The following NUP37 variants were observed in gnomAD, a reference collection of about 807,000 sequenced individuals.
NUP37 encodes nucleoporin 37, also known as nucleoporin Nup37.
In NUP37, 33 loss-of-function variants were observed where a neutral mutation model predicts 45.4. The ratio of observed to expected loss-of-function variants is 0.73; its 90% CI spans 0.55 to 0.97. The LOEUF is 0.97. NUP37 is among the 50% of genes least tolerant of loss of function. The pLI, the probability that NUP37 is intolerant of heterozygous loss-of-function variation, is 0.00. For missense variants in NUP37, 365 were observed against 389.7 expected (o/e 0.94, Z 0.53); for synonymous variants, 127 against 130.7 (o/e 0.97, Z 0.19).
At chr12:102,119,119 A>T (rs528043647) in intron 1 of NUP37, 2 of 152,380 alleles carry the variant, frequency 1.3e-5, no homozygotes, top group South Asian at 2.1e-4. Context: ...GCTAATGAAG[A>T]AAAAAACAGC....
At chr12:102,110,026 A>G (rs1880265568) in intron 3 of NUP37, among the ~76,000 whole-genome samples, 1 of 152,222 alleles carries the variant, frequency 6.6e-6, no homozygotes, top group Non-Finnish European at 1.5e-5. Context: ...TATTGTGTAG[A>G]TTATTCAATT....
chr12:102,074,252 G>A lies in NUP37; in HGVS notation c.*102C>T, dbSNP rs1008872066. The A allele has an allele frequency of 8.4e-6, 5 of 592,122 alleles. No homozygotes were observed. Among genetic ancestry groups the A allele is most frequent in the Admixed American group, 3.3e-5 (1 of 30,630 alleles). The allele number at this position is 592,122 out of a possible 1,614,324, so 36.7% of individuals were successfully genotyped here. ...AACTGAGACATTTTCTAAAGTATAC[G>A]GTATATTTGATATAAAAATTCTTCA... On this transcript the variant is annotated 3_prime_UTR_variant, in exon 10 of 10. Coordinates refer to ENST00000552283, the MANE Select transcript of NUP37 (RefSeq NM_024057.4).
chr12:102,118,550 A>G lies in NUP37; in HGVS notation c.-32T>C. Reference sequence around the variant, plus strand: ...TGTCAAAATTCAAGCAGTTGTGAAAATTAAATAGCCTTCTACTGGACAAGG... The same window carrying G: ...TGTCAAAATTCAAGCAGTTGTGAAAGTTAAATAGCCTTCTACTGGACAAGG... On this transcript the variant is annotated 5_prime_UTR_variant, in exon 2 of 10. Transcript: ENST00000552283. 1 of 1,597,634 alleles carries G rather than the reference A, an allele frequency of 6.3e-7. No individual in the cohort carries two copies. Among genetic ancestry groups the G allele is most frequent in the South Asian group, 1.1e-5 (1 of 88,294 alleles).
Position 102,074,985 on chromosome 12 carries a change from A to C in NUP37, c.867+16T>G. ...AAAAAAAAAAGCACGTATGTTACAA[A>C]ACATTTCCACATTACCTGAGGGTGT... On this transcript the variant is annotated intron_variant, in intron 9 of 9. Transcript: ENST00000552283. 1 of 1,532,366 alleles carries C rather than the reference A, an allele frequency of 6.5e-7. No homozygotes were observed. Among genetic ancestry groups the C allele is most frequent in the Non-Finnish European group, 8.8e-7 (1 of 1,130,850 alleles). 94.9% of individuals were successfully genotyped at this position (1,532,366 alleles called of 1,614,324 possible). A position where few individuals can be genotyped will look rare whatever the true frequency, so the allele number is the denominator to read the frequency against.
chr12:102,073,206 T>G lies in NUP37; in HGVS notation c.*1148A>C, dbSNP rs1258132056. The G allele has an allele frequency of 2.0e-5, 3 of 152,202 alleles. No individual in the cohort carries two copies. Among genetic ancestry groups the G allele is most frequent in the African/African-American group, 7.2e-5 (3 of 41,450 alleles). 9.4% of individuals were successfully genotyped at this position (152,202 alleles called of 1,614,324 possible). On this transcript the variant is annotated 3_prime_UTR_variant, in exon 10 of 10. Coordinates refer to ENST00000552283, the MANE Select transcript of NUP37 (RefSeq NM_024057.4). The stretch of plus-strand genomic sequence containing the variant: ...TGAAGCTTCAAAAAGGGCATTAACT[T>G]GCAGGAATGGGCAGTTTGTCAAAAT...
intron 5 of NUP37, among the ~76,000 whole-genome samples, chr12:102,090,987 A>G (rs1305457019): frequency 6.6e-6 from 1 of 152,214 alleles, no homozygotes; most frequent in East Asian, 1.9e-4. Context: ...AAAAATTCAA[A>G]ATTTGAAAAT....
chr12:102,115,238 C>T (rs1044076484), intron 2 of NUP37, among the ~76,000 whole-genome samples: 1 of 152,102 alleles, frequency 6.6e-6, no homozygotes, highest in African/African-American at 2.4e-5. Flanking sequence ...AGATTACTGT[C>T]GATTTACAGA....
intron 6 of NUP37, among the ~76,000 whole-genome samples, chr12:102,078,710 G>A (rs1366207230): frequency 6.6e-6 from 1 of 152,140 alleles, no homozygotes; most frequent in East Asian, 1.9e-4. Flanking sequence ...TGTGGGTAAA[G>A]TACCTCAATG....
intron 5 of NUP37, 76 bp downstream of exon 5, chr12:102,099,030 T>A (rs575030295): frequency 1.0e-6 from 1 of 988,268 alleles, no homozygotes; most frequent in Non-Finnish European, 1.6e-6. Flanking sequence ...AAGTCACATT[T>A]TTTTTTCTCA....
intron 6 of NUP37, among the ~76,000 whole-genome samples, chr12:102,083,988 G>C (rs1473524176): frequency 1.3e-5 from 2 of 152,224 alleles, no homozygotes; most frequent in Non-Finnish European, 2.9e-5. Context: ...ACAAGTGATG[G>C]ATTCAAACAT....
At chr12:102,084,391 G>A (rs770441248) in intron 6 of NUP37, among the ~76,000 whole-genome samples, 30 of 152,116 alleles carry the variant, frequency 2.0e-4, no homozygotes, top group Non-Finnish European at 3.7e-4. Flanking sequence ...CACAACTGTA[G>A]TCCCAGCAAT....
At chr12:102,078,322 T>A (rs4237983) in intron 6 of NUP37, among the ~76,000 whole-genome samples, 151,850 of 151,850 alleles carry the variant, frequency 1, 75,925 homozygotes, top group Non-Finnish European at 1. Flanking sequence ...GCGAAATTCC[T>A]TCTTTAAAAA....
intron 3 of NUP37, among the ~76,000 whole-genome samples, chr12:102,110,358 G>A (rs565928974): frequency 2.6e-5 from 4 of 151,434 alleles, no homozygotes; most frequent in Admixed American, 1.3e-4. Context: ...AAAATTAGCC[G>A]GGAGTGGTGG....
intron 2 of NUP37, among the ~76,000 whole-genome samples, chr12:102,118,045 A>G (rs1880513629): frequency 6.6e-6 from 1 of 152,160 alleles, no homozygotes. Context: ...GAAAAACCGT[A>G]ATTAATTGGA....
chr12:102,088,565 T>C (rs1419700891), intron 5 of NUP37, among the ~76,000 whole-genome samples: 3 of 152,182 alleles, frequency 2.0e-5, no homozygotes, highest in Non-Finnish European at 4.4e-5. Flanking sequence ...TTGCCTATTT[T>C]TGAACATCAT....
At chr12:102,104,128 T>G (rs1253210440) in intron 3 of NUP37, among the ~76,000 whole-genome samples, 1 of 152,128 alleles carries the variant, frequency 6.6e-6, no homozygotes, top group Non-Finnish European at 1.5e-5. Context: ...CGGGTCAACA[T>G]TTGTTATTTT....
At chr12:102,107,669 T>C (rs1303862897) in intron 3 of NUP37, among the ~76,000 whole-genome samples, 1 of 152,114 alleles carries the variant, frequency 6.6e-6, no homozygotes, top group African/African-American at 2.4e-5. Context: ...AAATACTACA[T>C]AGTAATAAAT....
chr12:102,118,791 TG>T (rs1165231045), intron 1 of NUP37, among the ~76,000 whole-genome samples: 1 of 152,234 alleles, frequency 6.6e-6, no homozygotes, highest in Non-Finnish European at 1.5e-5. Flanking sequence ...CCCATATCTG[TG>T]ATTCTAGCAG....
chr12:102,075,926 T>C (rs1879154443), intron 8 of NUP37, among the ~76,000 whole-genome samples: 1 of 152,100 alleles, frequency 6.6e-6, no homozygotes, highest in African/African-American at 2.4e-5. Flanking sequence ...ACTTCTCTTA[T>C]GCCTGGAACT....
Sources: gnomAD v4.1 joint callset for allele counts (sites outside exome capture counted in the v4.1 genomes callset) on GRCh38, gnomAD v4.1.1 for gene constraint, MANE v1.5 for transcripts, NCBI Gene and HGNC (gene_info 2026-07-23, HGNC 2026-07-21) for gene names.